Variants in LCOR observed in about 807,000 individuals in gnomAD.
The protein encoded by LCOR is ligand dependent nuclear receptor corepressor.
A neutral mutation model predicts 64.4 loss-of-function variants in LCOR; 14 were observed. The observed-to-expected ratio is 0.22, with a 90% CI of 0.14 to 0.34. The LOEUF (loss-of-function observed/expected upper bound fraction) is 0.34. Among genes scored for constraint, LCOR ranks in the 10% least tolerant of loss-of-function variants. The probability of loss-of-function intolerance (pLI) is 1.00; values close to 1 mark genes in which losing one functional copy is unlikely to be tolerated. For missense variants in LCOR, 1,686 were observed against 1,765.3 expected, an observed-to-expected ratio of 0.96 and a Z score of 0.80; for synonymous variants, 643 against 642.5, an observed-to-expected ratio of 1.00 and a Z score of -0.01.
intron 4 of LCOR, among the ~76,000 whole-genome samples, chr10:96,926,697 C>T (rs934507312): frequency 6.6e-6 from 1 of 152,024 alleles, no homozygotes; most frequent in African/African-American, 2.4e-5. Flanking sequence ...TTGTATGTGC[C>T]CTTTATAGTC....
rs116567260 is a variant in LCOR, at chr10:96,839,273, T to G, written c.-330+5794T>G. Among the ~76,000 whole-genome samples the G allele has an allele frequency of 9.6e-3, 1,462 of 152,302 alleles. 31 individuals are homozygous for G. Among genetic ancestry groups the G allele is most frequent in the African/African-American group, 0.033 (1,382 of 41,558 alleles). ...TTCTGGATATACTTACAGTGTATGCTTTGCAGATATTTTTTCTCATACTCC... is the reference window on the plus strand; with the variant it reads ...TTCTGGATATACTTACAGTGTATGCGTTGCAGATATTTTTTCTCATACTCC... On this transcript the variant is annotated intron_variant, in intron 2 of 7. Coordinates refer to ENST00000421806, the MANE Select transcript of LCOR (RefSeq NM_001346516.2).
rs540102608 is a variant in LCOR, at chr10:96,915,242, C to T, written c.-184+7495C>T. Among the ~76,000 whole-genome samples the T allele has an allele frequency of 7.2e-5, 11 of 152,270 alleles. No homozygotes were observed. The East Asian group carries it at 1.7e-3, about 24-fold the overall frequency. On this transcript the variant is annotated intron_variant, in intron 4 of 7. Coordinates refer to ENST00000421806, the MANE Select transcript of LCOR (RefSeq NM_001346516.2). ...TTTAAAAATATGTAAGTAAATAAGC[C>T]GGGCACGGAGGTGCACGCCTGTAAT...
At chr10:96,889,761 G>C (rs1846407711) in intron 2 of LCOR, among the ~76,000 whole-genome samples, 1 of 152,172 alleles carries the variant, frequency 6.6e-6, no homozygotes, top group South Asian at 2.1e-4. Context: ...TATTCCATTG[G>C]ATGGCTGTAC....
Position 96,975,743 on chromosome 10 carries a change from G to A in LCOR, c.333-5050G>A, listed in dbSNP as rs188897365. ...AATATACAAGACTCTGGCCAGGAGTGGTGGCCCACACCTGTAATCCCAGCA... is the reference window on the plus strand; with the variant it reads ...AATATACAAGACTCTGGCCAGGAGTAGTGGCCCACACCTGTAATCCCAGCA... On this transcript the variant is annotated intron_variant, in intron 7 of 7. Transcript: ENST00000421806. Among the ~76,000 whole-genome samples the A allele has an allele frequency of 2.0e-5, 3 of 152,074 alleles. No individual in the cohort carries two copies. The East Asian group carries it at 5.8e-4, about 29-fold the overall frequency.
At chr10:96,896,388 A>G (rs1414173607) in intron 2 of LCOR, among the ~76,000 whole-genome samples, 2 of 152,140 alleles carry the variant, frequency 1.3e-5, no homozygotes, top group Non-Finnish European at 2.9e-5. Context: ...AATTACTTGC[A>G]AAGTAATTTT....
intron 4 of LCOR, among the ~76,000 whole-genome samples, chr10:96,913,468 G>T (rs1846882148): frequency 6.6e-6 from 1 of 152,208 alleles, no homozygotes; most frequent in African/African-American, 2.4e-5. Context: ...GGCTGGGATA[G>T]AGATGGCTGT....
At chr10:96,898,456 A>G (rs1197549769) in intron 2 of LCOR, among the ~76,000 whole-genome samples, 1 of 152,218 alleles carries the variant, frequency 6.6e-6, no homozygotes, top group Non-Finnish European at 1.5e-5. Flanking sequence ...AATCTTCACT[A>G]TTGTCAGTGG....
intron 1 of LCOR, chr10:96,832,859 C>G (rs939447571): frequency 1.3e-5 from 5 of 393,972 alleles, no homozygotes; most frequent in Non-Finnish European, 1.7e-5. Flanking sequence ...CGCCGCCGTC[C>G]TCCTCCTGCG....
At chr10:96,896,230 C>T (rs899538086) in intron 2 of LCOR, among the ~76,000 whole-genome samples, 10 of 152,098 alleles carry the variant, frequency 6.6e-5, no homozygotes, top group African/African-American at 2.4e-4. Context: ...GAGGAGGGAT[C>T]TCACTATTAC....
Position 96,985,437 on chromosome 10 carries a change from C to T in LCOR, c.*303C>T. ...TTTATCCTTTTTGTTTTTAAATTTA[C>T]AAAAGCTAAAAAGCTGATCTATGTG... is the stretch of plus-strand genomic sequence containing the variant. On this transcript the variant is annotated 3_prime_UTR_variant, in exon 8 of 8. Coordinates refer to ENST00000421806, the MANE Select transcript of LCOR (RefSeq NM_001346516.2). The T allele has an allele frequency of 4.2e-6, 1 of 240,008 alleles. No homozygotes were observed. The highest frequency in any genetic ancestry group is 8.6e-6 in the Non-Finnish European group (1 of 116,690). 14.9% of individuals were successfully genotyped at this position (240,008 alleles called of 1,614,324 possible). A position where few individuals can be genotyped will look rare whatever the true frequency, so the allele number is the denominator to read the frequency against.
intron 7 of LCOR, chr10:96,954,992 T>A: frequency 1.2e-6 from 2 of 1,614,028 alleles, no homozygotes; most frequent in Non-Finnish European, 1.7e-6. Flanking sequence ...CAGACGGACT[T>A]CGGAGTGGTG....
In LCOR at chr10:96,952,167, T is replaced by C. The variant is rs139119919; in HGVS notation, c.303T>C (p.Ser101=). The C allele has an allele frequency of 1.9e-4, 313 of 1,613,828 alleles. 1 individual carries two copies. In the African/African-American group the frequency reaches 3.7e-3, roughly 19 times the overall value. The change falls in exon 7 of 8, where the codon TCT becomes TCC. Residue 101 remains serine, a synonymous_variant. Coordinates refer to ENST00000421806, the MANE Select transcript of LCOR (RefSeq NM_001346516.2). The part of the protein sequence containing the change: ...PCAGSTSLSH[S]PGCSSTQGNG... ...CTGGCAGCACTTCCCTGAGCCACTC[T>C]CCAGGCTGCTCCAGTACTCAAGGGA... is the stretch of plus-strand genomic sequence containing the variant.
At chr10:96,897,004 A>C (rs1054065872) in intron 2 of LCOR, among the ~76,000 whole-genome samples, 23 of 151,686 alleles carry the variant, frequency 1.5e-4, no homozygotes, top group African/African-American at 5.1e-4. Flanking sequence ...GAAATCATTC[A>C]GCTTATAATT....
intron 2 of LCOR, among the ~76,000 whole-genome samples, chr10:96,851,180 GC>G (rs1845716660): frequency 6.6e-6 from 1 of 152,234 alleles, no homozygotes; most frequent in South Asian, 2.1e-4. Flanking sequence ...CTGCAGGGAA[GC>G]TGGACTGGAT....
chr10:96,834,518 C>T (rs940762664), intron 2 of LCOR, among the ~76,000 whole-genome samples: 2 of 152,072 alleles, frequency 1.3e-5, no homozygotes, highest in African/African-American at 4.8e-5. Context: ...CTTGGTATTT[C>T]GGACTATCAT....
intron 2 of LCOR, among the ~76,000 whole-genome samples, chr10:96,840,749 A>G (rs1176606294): frequency 2.0e-5 from 3 of 152,208 alleles, no homozygotes; most frequent in Non-Finnish European, 2.9e-5. Context: ...ACAAAAAATA[A>G]ATTTTACTCA....
chr10:96,925,822 A>C (rs1847158854), intron 4 of LCOR, among the ~76,000 whole-genome samples: 1 of 152,214 alleles, frequency 6.6e-6, no homozygotes, highest in Admixed American at 6.5e-5. Flanking sequence ...AGTTGCTCTG[A>C]TAGATGGAAA....
chr10:96,922,045 A>G (rs1237430416), intron 4 of LCOR, among the ~76,000 whole-genome samples: 2 of 152,182 alleles, frequency 1.3e-5, no homozygotes, highest in Admixed American at 6.5e-5. Context: ...TGTTTTGGCA[A>G]TTTGGGATCT....
In LCOR at chr10:96,914,696, A is replaced by G. The variant is rs186962671; in HGVS notation, c.-184+6949A>G. On this transcript the variant is annotated intron_variant, in intron 4 of 7. Transcript: ENST00000421806. The stretch of plus-strand genomic sequence containing the variant: ...AAATCAGAAAGCCACTATAAAACCG[A>G]ATGAAGTCTTTATCTAATGCTCTGA... 7.9e-5 allele frequency among the ~76,000 whole-genome samples: 12 copies of G among 152,352 alleles called. No homozygotes were observed. In the East Asian group the frequency reaches 2.3e-3, roughly 29 times the overall value.
Sources: allele counts gnomAD v4.1 joint callset (sites outside exome capture counted in the v4.1 genomes callset), GRCh38; gene constraint gnomAD v4.1.1; transcripts MANE v1.5; gene names NCBI Gene and HGNC (gene_info 2026-07-23, HGNC 2026-07-21).